The following ZNF536 variants were observed in gnomAD, a reference collection of about 807,000 sequenced individuals.
The protein encoded by ZNF536 is zinc finger protein 536.
Under a neutral mutation model 84.5 loss-of-function variants are expected in ZNF536, and 13 were observed. The observed-to-expected ratio is 0.15, with a 90% CI of 0.10 to 0.24. The LOEUF (loss-of-function observed/expected upper bound fraction) is 0.24. Among genes scored for constraint, ZNF536 ranks in the 10% least tolerant of loss-of-function variants. The probability of loss-of-function intolerance (pLI) is 1.00; values close to 1 mark genes in which losing one functional copy is unlikely to be tolerated. For missense variants in ZNF536, 1,536 were observed against 1,747.5 expected, an observed-to-expected ratio of 0.88 and a Z score of 2.16; for synonymous variants, 811 against 742.5, an observed-to-expected ratio of 1.09 and a Z score of -1.50.
intron 3 of ZNF536, among the ~76,000 whole-genome samples, chr19:30,541,637 C>T (rs1832071963): frequency 1.3e-5 from 2 of 152,166 alleles, no homozygotes; most frequent in Admixed American, 1.3e-4. Flanking sequence ...TCCTACCAAA[C>T]ACTAAGTAGG....
intron 2 of ZNF536, among the ~76,000 whole-genome samples, chr19:30,492,777 G>A (rs1036709603): frequency 3.3e-5 from 5 of 152,110 alleles, no homozygotes; most frequent in African/African-American, 7.2e-5. Context: ...CTTTAAATGC[G>A]GTGGAGATAA....
chr19:30,286,548 A>AGAGAGAGAGAGAGAGAGAGAGAGAG (rs1568305284), intron 2 of ZNF536, among the ~76,000 whole-genome samples: 1 of 92,586 alleles, frequency 1.1e-5, no homozygotes, highest in African/African-American at 4.6e-5. Context: ...GAGAGAGAGA[A>AGAGAGAGAGAGAGAGAGAGAGAGAG]AGAGAGAGAC....
rs573523628 is a variant in ZNF536 at position 30,655,641 on chromosome 19, G to A, written c.170-55116G>A. ...AGAATTGAGCTGGGCCTGCAAAGATGGGGAGGGTTTGGCTAAAACCTAGGA... is the reference window on the plus strand; with the variant it reads ...AGAATTGAGCTGGGCCTGCAAAGATAGGGAGGGTTTGGCTAAAACCTAGGA... On this transcript the variant is annotated intron_variant, in intron 1 of 1. Coordinates refer to the ZNF536 transcript ENST00000592773. Among the ~76,000 whole-genome samples the A allele has an allele frequency of 7.2e-5, 11 of 152,330 alleles. No individual in the cohort carries two copies. The South Asian group carries it at 2.3e-3, about 32-fold the overall frequency.
intron 1 of ZNF536, among the ~76,000 whole-genome samples, chr19:30,589,066 A>T (rs12608949): frequency 0.62 from 93,972 of 151,978 alleles, 29,434 homozygotes; most frequent in East Asian, 0.85. Context: ...ACCTGAGAAG[A>T]GGGATTTAGA....
chr19:30,704,054 C>G (rs989598138), intron 1 of ZNF536, among the ~76,000 whole-genome samples: 11 of 152,252 alleles, frequency 7.2e-5, no homozygotes, highest in Non-Finnish European at 1.3e-4. Context: ...CAAGAGAGCT[C>G]TGGGTCTTCC....
intron 2 of ZNF536, among the ~76,000 whole-genome samples, chr19:30,480,096 C>T (rs2054011763): frequency 6.6e-6 from 1 of 152,228 alleles, no homozygotes; most frequent in Non-Finnish European, 1.5e-5. Context: ...CTCCACAGTT[C>T]CTCAGATATC....
chr19:30,611,388 G>A (rs1158488650), intron 1 of ZNF536, among the ~76,000 whole-genome samples: 1 of 152,088 alleles, frequency 6.6e-6, no homozygotes, highest in Admixed American at 6.5e-5. Flanking sequence ...GCTGCCCTTG[G>A]ACCCCTCTTA....
chr19:30,329,449 A>C (rs1229047549), intron 2 of ZNF536, among the ~76,000 whole-genome samples: 1 of 152,212 alleles, frequency 6.6e-6, no homozygotes, highest in Non-Finnish European at 1.5e-5. Flanking sequence ...GTTCTACAGA[A>C]TATCTGCTTA....
At chr19:30,344,080 G>A (rs2047651427) in intron 2 of ZNF536, among the ~76,000 whole-genome samples, 1 of 151,726 alleles carries the variant, frequency 6.6e-6, no homozygotes, top group African/African-American at 2.4e-5. Context: ...CCCACCATGG[G>A]GTGCTGGGTT....
intron 1 of ZNF536, among the ~76,000 whole-genome samples, chr19:30,405,389 C>A (rs2147590172): frequency 6.6e-6 from 1 of 152,302 alleles, no homozygotes; most frequent in Admixed American, 6.5e-5. Flanking sequence ...GAACTGCAGA[C>A]AAAACCTATG....
At chr19:30,292,838 G>A (rs1410606723) in intron 2 of ZNF536, among the ~76,000 whole-genome samples, 1 of 152,186 alleles carries the variant, frequency 6.6e-6, no homozygotes, top group African/African-American at 2.4e-5. Context: ...GGCAAGATGA[G>A]CTTTCAACTC....
At chr19:30,437,526 G>C (rs2051805945) in intron 1 of ZNF536, among the ~76,000 whole-genome samples, 1 of 152,156 alleles carries the variant, frequency 6.6e-6, no homozygotes. Context: ...GTAATGTTTG[G>C]AAGCCTTCAC....
intron 1 of ZNF536, among the ~76,000 whole-genome samples, chr19:30,677,764 C>T (rs2050804787): frequency 6.6e-6 from 1 of 152,240 alleles, no homozygotes; most frequent in African/African-American, 2.4e-5. Flanking sequence ...TTAAAAGCCT[C>T]CTAAGACCCT....
intron 1 of ZNF536, among the ~76,000 whole-genome samples, chr19:30,601,133 C>T (rs759789678): frequency 7.9e-5 from 12 of 152,130 alleles, no homozygotes; most frequent in East Asian, 1.9e-4. Flanking sequence ...CTCTGGGAGC[C>T]GGAAGATACC....
chr19:30,342,856 A>G (rs2047606937), intron 2 of ZNF536, among the ~76,000 whole-genome samples: 1 of 152,230 alleles, frequency 6.6e-6, no homozygotes, highest in African/African-American at 2.4e-5. Flanking sequence ...AGAAAAAAAC[A>G]TTTTTGGTTG....
chr19:30,475,474 C>T (rs1009751189), intron 2 of ZNF536, among the ~76,000 whole-genome samples: 1 of 152,200 alleles, frequency 6.6e-6, no homozygotes, highest in African/African-American at 2.4e-5. Context: ...AGAAGTATAA[C>T]AGGCCATAAA....
chr19:30,444,363 G>A lies in ZNF536; in HGVS notation c.801G>A (p.Ala267=), dbSNP rs753755110. 53 of 1,602,030 alleles carry A rather than the reference G, an allele frequency of 3.3e-5. No individual in the cohort carries two copies. Among genetic ancestry groups the A allele is most frequent in the Admixed American group, 2.3e-4 (14 of 59,854 alleles). Residue 267 remains alanine, a synonymous_variant, in exon 2 of 5, where the codon GCG becomes GCA. Coordinates refer to ENST00000355537, the MANE Select transcript of ZNF536 (RefSeq NM_014717.3). ...SPKPASVQED[A]VAPAAGFRCT... ...AGCCTGCCAGCGTGCAGGAGGACGC[G>A]GTGGCCCCGGCGGCGGGCTTCCGCT...
intron 1 of ZNF536, among the ~76,000 whole-genome samples, chr19:30,387,048 G>A (rs757354199): frequency 1.3e-5 from 2 of 152,148 alleles, no homozygotes; most frequent in African/African-American, 2.4e-5. Context: ...GACGAGAGTC[G>A]GTCTGTTTGA....
intron 2 of ZNF536, among the ~76,000 whole-genome samples, chr19:30,452,034 G>T (rs543595936): frequency 1.8e-4 from 28 of 152,224 alleles, no homozygotes; most frequent in Non-Finnish European, 3.4e-4. Flanking sequence ...CCACCACCTT[G>T]GGTGTGTTGG....
Sources: allele counts gnomAD v4.1 joint callset (sites outside exome capture counted in the v4.1 genomes callset), GRCh38; gene constraint gnomAD v4.1.1; transcripts MANE v1.5; gene names NCBI Gene and HGNC (gene_info 2026-07-23, HGNC 2026-07-21).